The following DLGAP2 variants were observed in gnomAD, a reference collection of about 807,000 sequenced individuals.
DLGAP2 encodes the protein DLG associated protein 2, also known as disks large-associated protein 2.
DLGAP2 carries 26 observed loss-of-function variants against 100.3 expected under a neutral mutation model. The ratio of observed to expected loss-of-function variants is 0.26; its 90% CI spans 0.19 to 0.36. The LOEUF (loss-of-function observed/expected upper bound fraction) is 0.36. Ranked by LOEUF, DLGAP2 falls within the 10% of genes least tolerant of loss-of-function variation. The probability of loss-of-function intolerance (pLI) is 1.00; values close to 1 mark genes in which losing one functional copy is unlikely to be tolerated. For synonymous variants in DLGAP2, 886 were observed against 630.1 expected, an observed-to-expected ratio of 1.41 and a Z score of -6.08; for missense variants, 1,858 against 1,453.2, an observed-to-expected ratio of 1.28 and a Z score of -4.53.
intron 6 of DLGAP2, among the ~76,000 whole-genome samples, chr8:1,581,524 C>G (rs1803258743): frequency 1.3e-5 from 2 of 151,258 alleles, no homozygotes; most frequent in South Asian, 2.1e-4. Context: ...AGACAAAACT[C>G]CACACACATC....
intron 2 of DLGAP2, 108 bp from the exon 3 acceptor site, chr8:1,258,743 G>A: frequency 1.0e-6 from 1 of 979,424 alleles, no homozygotes; most frequent in Middle Eastern, 3.7e-4. Context: ...GTGTGGTCAA[G>A]CGGCGTCATC....
intron 2 of DLGAP2, among the ~76,000 whole-genome samples, chr8:1,198,601 G>C (rs188640526): frequency 6.6e-6 from 1 of 152,330 alleles, no homozygotes; most frequent in East Asian, 1.9e-4. Flanking sequence ...AGATGAGAGT[G>C]TGTGCTCTGC....
chr8:881,286 C>A (rs1797785699), intron 1 of DLGAP2, among the ~76,000 whole-genome samples: 1 of 152,142 alleles, frequency 6.6e-6, no homozygotes, highest in Admixed American at 6.5e-5. Flanking sequence ...GTTAGCTTGG[C>A]TGTGAATCTC....
chr8:1,097,465 A>G (rs867202253), intron 2 of DLGAP2, among the ~76,000 whole-genome samples: 610 of 53,744 alleles, frequency 0.011, no homozygotes, highest in Middle Eastern at 0.017. Flanking sequence ...CAGGAGAGTC[A>G]AGCTGGGAGC....
At chr8:977,877 G>C (rs1800211941) in intron 2 of DLGAP2, among the ~76,000 whole-genome samples, 1 of 46,438 alleles carries the variant, frequency 2.2e-5, no homozygotes, top group East Asian at 4.7e-4. Flanking sequence ...CTTTGGTGTT[G>C]TGGGGAGGGC....
At chr8:1,254,022 C>G (rs1024704615) in intron 2 of DLGAP2, among the ~76,000 whole-genome samples, 4 of 152,230 alleles carry the variant, frequency 2.6e-5, no homozygotes, top group Non-Finnish European at 5.9e-5. Flanking sequence ...GAACCACAGT[C>G]TCTGATCCAT....
rs1010983484 is a variant in DLGAP2, at chr8:839,678, C to T, written c.19-68234C>T. The stretch of plus-strand genomic sequence containing the variant: ...GTGCCACCTGTCCCTCTGTGTGCCT[C>T]GTCCTGGTCAGCACCCTTGCTCCCA... On this transcript the variant is annotated intron_variant, in intron 1 of 14. Coordinates refer to ENST00000637795, the MANE Select transcript of DLGAP2 (RefSeq NM_001346810.2). 2.8e-4 allele frequency among the ~76,000 whole-genome samples: 42 copies of T among 152,146 alleles called. 2 individuals are homozygous for T. The highest frequency in any genetic ancestry group is 2.0e-3 in the Admixed American group (31 of 15,282).
intron 1 of DLGAP2, among the ~76,000 whole-genome samples, chr8:864,744 G>A (rs1049388167): frequency 3.3e-5 from 5 of 152,316 alleles, no homozygotes; most frequent in South Asian, 4.1e-4. Context: ...TGCACCTGTC[G>A]ATGGGAGGCC....
Position 1,036,268 on chromosome 8 carries a change from T to G in DLGAP2, c.73+128302T>G, listed in dbSNP as rs565777333. ...ACACGCTCATCCCGACCCCACATGTTCACGTGTTTAATGAACACTGTGCTA... is the reference window on the plus strand; with the variant it reads ...ACACGCTCATCCCGACCCCACATGTGCACGTGTTTAATGAACACTGTGCTA... On this transcript the variant is annotated intron_variant, in intron 2 of 14. Coordinates refer to ENST00000637795, the MANE Select transcript of DLGAP2 (RefSeq NM_001346810.2). Among the ~76,000 whole-genome samples, 5 of 152,332 alleles carry G rather than the reference T, an allele frequency of 3.3e-5. No individual in the cohort carries two copies. The East Asian group carries it at 7.7e-4, about 24-fold the overall frequency.
intron 2 of DLGAP2, among the ~76,000 whole-genome samples, chr8:1,134,070 C>A (rs561615306): frequency 4.4e-4 from 67 of 151,880 alleles, no homozygotes; most frequent in African/African-American, 1.5e-3. Flanking sequence ...TCATTTAGCT[C>A]CCACTTATAA....
rs1585929833 is a variant in DLGAP2, at chr8:850,016, A to G, written c.19-57896A>G. On this transcript the variant is annotated intron_variant, in intron 1 of 14. Transcript: ENST00000637795. ...GAGGCAGAGGTTGCAGTGAGCTGAG[A>G]TTGTGCCACGCACTCCAGCCTGGGC... 4.1e-5 allele frequency among the ~76,000 whole-genome samples: 6 copies of G among 147,724 alleles called. No individual in the cohort carries two copies. In the South Asian group the frequency reaches 9.1e-4, roughly 22 times the overall value.
At chr8:964,373 A>C (rs946880780) in intron 2 of DLGAP2, among the ~76,000 whole-genome samples, 19 of 152,346 alleles carry the variant, frequency 1.2e-4, no homozygotes, top group African/African-American at 3.6e-4. Context: ...CGCAGTTGTC[A>C]CTTGCTGTCC....
At chr8:1,553,547 C>A (rs893965450) in intron 5 of DLGAP2, among the ~76,000 whole-genome samples, 4 of 111,714 alleles carry the variant, frequency 3.6e-5, no homozygotes. Context: ...TACATGTTCA[C>A]GTGTTGGAAG....
intron 6 of DLGAP2, among the ~76,000 whole-genome samples, chr8:1,603,816 A>G (rs1390484655): frequency 6.6e-6 from 1 of 152,152 alleles, no homozygotes; most frequent in Non-Finnish European, 1.5e-5. Context: ...AAACCTGACC[A>G]CATCATCCTC....
intron 2 of DLGAP2, among the ~76,000 whole-genome samples, chr8:1,011,499 A>G (rs1031511901): frequency 1.4e-5 from 2 of 141,824 alleles, no homozygotes; most frequent in East Asian, 2.3e-4. Context: ...CCCTGGAATG[A>G]GGGGTCTCAG....
At chr8:1,448,420 C>G (rs1425010728) in intron 3 of DLGAP2, among the ~76,000 whole-genome samples, 1 of 152,136 alleles carries the variant, frequency 6.6e-6, no homozygotes, top group South Asian at 2.1e-4. Context: ...TTAGTCCTGA[C>G]TTCCAGTTTG....
In DLGAP2 at chr8:1,549,393, G is replaced by T. The variant is rs765184753; in HGVS notation, c.940G>T (p.Val314Leu). 7.4e-6 allele frequency: 12 copies of T among 1,613,318 alleles called. No individual in the cohort carries two copies. The East Asian group carries it at 2.7e-4, about 36-fold the overall frequency. ...CGACAGCACCTATCGGACGCCCAGC[G>T]TGCTCAACCGGCACCACCTGGGCCC... ...DSDSTYRTPSVLNRHHLGPVA... is the reference protein window; with the variant it reads ...DSDSTYRTPSLLNRHHLGPVA... Residue 314 changes from valine to leucine, a missense_variant, in exon 5 of 15, where the codon GTG becomes TTG. Coordinates refer to ENST00000637795, the MANE Select transcript of DLGAP2 (RefSeq NM_001346810.2).
chr8:1,283,190 A>G (rs945780278), intron 3 of DLGAP2, among the ~76,000 whole-genome samples: 6 of 149,822 alleles, frequency 4.0e-5, no homozygotes, highest in Non-Finnish European at 1.5e-5. Flanking sequence ...CAGCACGTGA[A>G]CCATCCAGAC....
At chr8:805,113 C>T (rs368585032) in intron 1 of DLGAP2, among the ~76,000 whole-genome samples, 3 of 152,140 alleles carry the variant, frequency 2.0e-5, no homozygotes, top group East Asian at 1.9e-4. Flanking sequence ...CTGACTGATT[C>T]GTAATGGGAA....
Sources: allele counts gnomAD v4.1 joint callset (sites outside exome capture counted in the v4.1 genomes callset), GRCh38; gene constraint gnomAD v4.1.1; transcripts MANE v1.5; gene names NCBI Gene and HGNC (gene_info 2026-07-23, HGNC 2026-07-21).